The following TMPRSS11E variants were observed in gnomAD, a reference collection of about 807,000 sequenced individuals.
The protein encoded by TMPRSS11E is transmembrane protease serine 11E.
In TMPRSS11E, 38 loss-of-function variants were observed where a neutral mutation model predicts 48.1. That is an observed-to-expected ratio of 0.79 (90% CI 0.61 to 1.04). The LOEUF (loss-of-function observed/expected upper bound fraction) is 1.04, where lower values mean the gene tolerates loss of function less well. TMPRSS11E is among the 50% of genes least tolerant of loss of function. TMPRSS11E has a pLI of 0.00. For synonymous variants in TMPRSS11E, 158 were observed against 171.9 expected (o/e 0.92, Z 0.63); for missense variants, 530 against 510.8 (o/e 1.04, Z -0.36).
chr4:68,468,313 A>G (rs1437798838), intron 3 of TMPRSS11E, among the ~76,000 whole-genome samples: 3 of 152,102 alleles, frequency 2.0e-5, no homozygotes, highest in African/African-American at 7.2e-5. Context: ...TCTCTACAAA[A>G]ATAGACTCTT....
chr4:68,462,053 C>T, intron 2 of TMPRSS11E, 108 bp downstream of exon 2: 1 of 1,382,494 alleles, frequency 7.2e-7, no homozygotes, highest in South Asian at 1.3e-5. Context: ...GATTCATTTG[C>T]ATAGCCTGTA....
At chr4:68,494,614 C>T (rs1729818629) in intron 9 of TMPRSS11E, among the ~76,000 whole-genome samples, 1 of 150,502 alleles carries the variant, frequency 6.6e-6, no homozygotes, top group Admixed American at 6.7e-5. Context: ...CTAAACCATT[C>T]ACTAAAAATA....
chr4:68,456,301 C>T (rs369721275), intron 1 of TMPRSS11E, among the ~76,000 whole-genome samples: 10 of 151,952 alleles, frequency 6.6e-5, no homozygotes, highest in South Asian at 2.1e-4. Flanking sequence ...GAGAACTAGC[C>T]GTAATTATTA....
intron 9 of TMPRSS11E, among the ~76,000 whole-genome samples, chr4:68,491,796 A>T (rs955292): frequency 0.32 from 48,292 of 152,126 alleles, 8,907 homozygotes; most frequent in Middle Eastern, 0.5. Context: ...CTGTATTCAT[A>T]AAATGGTACC....
chr4:68,457,065 T>C (rs997461726), intron 1 of TMPRSS11E, among the ~76,000 whole-genome samples: 3 of 152,050 alleles, frequency 2.0e-5, no homozygotes, highest in Admixed American at 6.6e-5. Context: ...GGGATCTAAT[T>C]AAACTAAAGA....
intron 9 of TMPRSS11E, among the ~76,000 whole-genome samples, chr4:68,489,234 G>A (rs188995172): frequency 1.6e-3 from 249 of 152,278 alleles, no homozygotes; most frequent in African/African-American, 6.0e-3. Flanking sequence ...CCAAGGGTTA[G>A]CTCAGCACTC....
At chr4:68,470,815 T>A (rs1409327145) in intron 4 of TMPRSS11E, among the ~76,000 whole-genome samples, 4 of 151,860 alleles carry the variant, frequency 2.6e-5, no homozygotes, top group African/African-American at 7.2e-5. Context: ...GAAAATACAG[T>A]CACATGAAGT....
At chr4:68,448,742 T>C (rs866215301) in intron 1 of TMPRSS11E, among the ~76,000 whole-genome samples, 1 of 151,750 alleles carries the variant, frequency 6.6e-6, no homozygotes, top group Non-Finnish European at 1.5e-5. Context: ...TAATCTCTCA[T>C]GGAAAAAACC....
At chr4:68,477,342 A>T in intron 7 of TMPRSS11E, 27 bp from the exon 8 acceptor site, 1 of 1,579,360 alleles carries the variant, frequency 6.3e-7, no homozygotes, top group Non-Finnish European at 8.6e-7. Flanking sequence ...GTAAAAAGAA[A>T]TTTATTCTTC....
intron 4 of TMPRSS11E, among the ~76,000 whole-genome samples, chr4:68,469,237 A>C (rs1000849465): frequency 6.6e-6 from 1 of 152,028 alleles, no homozygotes; most frequent in African/African-American, 2.4e-5. Context: ...GACCTAACAC[A>C]CATCCTTGGT....
chr4:68,473,539 A>G (rs34872892), intron 5 of TMPRSS11E, among the ~76,000 whole-genome samples: 24,895 of 152,146 alleles, frequency 0.16, 2,366 homozygotes, highest in Admixed American at 0.23. Flanking sequence ...CACTTATTGC[A>G]CATATCTTGT....
chr4:68,473,245 A>C (rs992075937), intron 5 of TMPRSS11E, among the ~76,000 whole-genome samples: 1 of 152,090 alleles, frequency 6.6e-6, no homozygotes, highest in African/African-American at 2.4e-5. Flanking sequence ...ACACAGAAGT[A>C]ACAGAAGCAA....
chr4:68,469,210 A>G (rs1728999861), intron 4 of TMPRSS11E, among the ~76,000 whole-genome samples: 1 of 152,088 alleles, frequency 6.6e-6, no homozygotes, highest in Non-Finnish European at 1.5e-5. Flanking sequence ...AAGTACAGAT[A>G]GTACTAAATA....
chr4:68,469,077 TCATGGGTTA>T (rs1728995718), intron 4 of TMPRSS11E, 131 bp downstream of exon 4: 1 of 781,478 alleles, frequency 1.3e-6, no homozygotes, highest in Non-Finnish European at 2.2e-6. Flanking sequence ...CCTGTGTAAG[TCATGGGTTA>T]CAAAGTCCCT....
In TMPRSS11E at chr4:68,496,858, A is replaced by G; in HGVS notation, c.*54A>G. Reference sequence around the variant, plus strand: ...ATTTTTTTTTGTTTTTTGGGTGTGGAGGCCATTTTTAGAGATACAGAATTG... The same window carrying G: ...ATTTTTTTTTGTTTTTTGGGTGTGGGGGCCATTTTTAGAGATACAGAATTG... On this transcript the variant is annotated 3_prime_UTR_variant, in exon 10 of 10. Coordinates refer to ENST00000305363, the MANE Select transcript of TMPRSS11E (RefSeq NM_014058.4). The G allele has an allele frequency of 6.5e-7, 1 of 1,533,830 alleles. No homozygotes were observed. Among genetic ancestry groups the G allele is most frequent in the East Asian group, 2.3e-5 (1 of 44,032 alleles).
In TMPRSS11E at chr4:68,472,714, G is replaced by A. The variant is rs751670089; in HGVS notation, c.490+1091G>A. On this transcript the variant is annotated intron_variant, in intron 5 of 9. Coordinates refer to ENST00000305363, the MANE Select transcript of TMPRSS11E (RefSeq NM_014058.4). ...TTAGGAAGGAGGCTTCAGTAGTCAGGGACAGATACATAATTTATGCGCCTT... is the reference window on the plus strand; with the variant it reads ...TTAGGAAGGAGGCTTCAGTAGTCAGAGACAGATACATAATTTATGCGCCTT... 8.6e-5 allele frequency among the ~76,000 whole-genome samples: 13 copies of A among 151,988 alleles called. No homozygotes were observed. The South Asian group carries it at 2.7e-3, about 32-fold the overall frequency.
rs374886111 is a variant in TMPRSS11E, at chr4:68,479,832, C to T, written c.1110+841C>T. Among the ~76,000 whole-genome samples the T allele has an allele frequency of 1.2e-4, 18 of 152,072 alleles. No homozygotes were observed. In the South Asian group the frequency reaches 3.5e-3, roughly 30 times the overall value. ...AAAACAGTCATTTCTGTTTTAGGAA[C>T]TTCTTTTAGCCACTCTTTTAGTATA... On this transcript the variant is annotated intron_variant, in intron 9 of 9. Transcript: ENST00000305363.
At chr4:68,483,574 CT>C (rs1334511797) in intron 9 of TMPRSS11E, among the ~76,000 whole-genome samples, 1 of 151,884 alleles carries the variant, frequency 6.6e-6, no homozygotes, top group African/African-American at 2.4e-5. Context: ...TTTTCCTATT[CT>C]GTAGGTCGTC....
At chr4:68,468,813 T>C in intron 3 of TMPRSS11E, 66 bp from the exon 4 acceptor site, 3 of 1,179,690 alleles carry the variant, frequency 2.5e-6, no homozygotes, top group South Asian at 2.5e-5. Flanking sequence ...TAAAAAGCTT[T>C]GAATTAATTT....
Sources: gnomAD v4.1 joint callset for allele counts (sites outside exome capture counted in the v4.1 genomes callset) on GRCh38, gnomAD v4.1.1 for gene constraint, MANE v1.5 for transcripts, NCBI Gene and HGNC (gene_info 2026-07-23, HGNC 2026-07-21) for gene names.